The following SCAF8 variants were observed in gnomAD, a reference collection of about 807,000 sequenced individuals.
SCAF8 encodes SR-related CTD associated factor 8.
Under a neutral mutation model 140.5 loss-of-function variants are expected in SCAF8, and 23 were observed. That is an observed-to-expected ratio of 0.16 (90% CI 0.12 to 0.23). The LOEUF (loss-of-function observed/expected upper bound fraction) is 0.23. Among genes scored for constraint, SCAF8 ranks in the 10% least tolerant of loss-of-function variants. SCAF8 has a pLI of 1.00. For missense variants in SCAF8, 1,397 were observed against 1,555.7 expected (o/e 0.90, Z 1.72); for synonymous variants, 575 against 528.9 (o/e 1.09, Z -1.20).
chr6:154,822,401 A>T lies in SCAF8; in HGVS notation c.1918A>T (p.Met640Leu), dbSNP rs770556366. The change falls in exon 16 of 20, where the codon ATG becomes TTG. Residue 640 changes from methionine to leucine, a missense_variant. By Grantham distance (15) the Met-to-Leu change is conservative. Coordinates refer to ENST00000367178, the MANE Select transcript of SCAF8 (RefSeq NM_014892.5). ...AGAGGTTTTCCCTCCTCCTGTTGCT[A>T]TGTTGCAGGTTAGTGTTGAAGTGGG... ...QAEVFPPPVA[M>L]LQIPVAPAVP... The T allele has an allele frequency of 1.9e-6, 3 of 1,610,010 alleles. No homozygotes were observed. The highest frequency in any genetic ancestry group is 1.1e-5 in the South Asian group (1 of 90,128).
intron 12 of SCAF8, among the ~76,000 whole-genome samples, chr6:154,812,177 T>C (rs1583058015): frequency 3.1e-5 from 1 of 32,460 alleles, no homozygotes; most frequent in Non-Finnish European, 5.5e-5. Context: ...AGATACTGCC[T>C]TTTTTTTTTT....
intron 2 of SCAF8, among the ~76,000 whole-genome samples, chr6:154,775,455 CTTG>C (rs1282272409): frequency 2.0e-5 from 3 of 152,158 alleles, no homozygotes; most frequent in East Asian, 1.9e-4. Context: ...CTTTTCATAA[CTTG>C]TTGAGCAGAG....
chr6:154,812,552 A>T (rs1778128088), intron 12 of SCAF8, among the ~76,000 whole-genome samples: 2 of 151,538 alleles, frequency 1.3e-5, no homozygotes, highest in African/African-American at 2.4e-5. Context: ...TTACCTCACA[A>T]CTCTCCTTAT....
intron 3 of SCAF8, 138 bp from the exon 4 acceptor site, chr6:154,787,723 G>T: frequency 3.2e-6 from 2 of 634,648 alleles, no homozygotes; most frequent in Non-Finnish European, 2.6e-6. Context: ...GATGATATTG[G>T]AGTAGTCAAT....
rs575881937 is a variant in SCAF8 at position 154,800,355 on chromosome 6, A to G, written c.607-1616A>G. The stretch of plus-strand genomic sequence containing the variant: ...TGAATGAATGATGTACAAAAGCATT[A>G]CAGTGTTGGAGATACAAAGGATATT... On this transcript the variant is annotated intron_variant, in intron 6 of 19. Transcript: ENST00000367178. 8.1e-4 allele frequency among the ~76,000 whole-genome samples: 123 copies of G among 151,718 alleles called. 2 individuals are homozygous for G. The South Asian group carries it at 0.025, about 31-fold the overall frequency.
At chr6:154,827,333 T>C in intron 18 of SCAF8, 93 bp downstream of exon 18, 1 of 841,152 alleles carries the variant, frequency 1.2e-6, no homozygotes, top group Non-Finnish European at 1.9e-6. Context: ...TTAATATTTT[T>C]ATTATGAAAG....
chr6:154,767,529 CTTTTTTTTT>C (rs71021076), intron 1 of SCAF8, among the ~76,000 whole-genome samples: 256 of 91,012 alleles, frequency 2.8e-3, no homozygotes, highest in East Asian at 7.9e-3. Context: ...CTTCTGTTAT[CTTTTTTTTT>C]TTTTTTTTTT....
At chr6:154,796,754 C>T (rs146168677) in intron 6 of SCAF8, among the ~76,000 whole-genome samples, 1 of 152,254 alleles carries the variant, frequency 6.6e-6, no homozygotes, top group East Asian at 1.9e-4. Flanking sequence ...AGGTGGATCA[C>T]TTGAGGCCAG....
intron 4 of SCAF8, among the ~76,000 whole-genome samples, chr6:154,789,373 A>G (rs1311261944): frequency 6.6e-6 from 1 of 152,052 alleles, no homozygotes; most frequent in Non-Finnish European, 1.5e-5. Flanking sequence ...GGCCTCCCAA[A>G]ATGTTGGAAT....
chr6:154,810,783 T>TAA (rs1223638237), intron 12 of SCAF8, among the ~76,000 whole-genome samples: 1 of 152,082 alleles, frequency 6.6e-6, no homozygotes, highest in African/African-American at 2.4e-5. Flanking sequence ...AAATAAGTTT[T>TAA]AATTAGTGCC....
chr6:154,821,558 T>TGTG (rs1183475575), intron 15 of SCAF8, among the ~76,000 whole-genome samples: 2 of 152,008 alleles, frequency 1.3e-5, no homozygotes, highest in African/African-American at 4.8e-5. Context: ...GCAGTGTGGG[T>TGTG]GTGGAGGTAT....
At chr6:154,810,307 GGT>G in intron 12 of SCAF8, 99 bp downstream of exon 12, 1 of 812,222 alleles carries the variant, frequency 1.2e-6, no homozygotes, top group Non-Finnish European at 1.9e-6. Flanking sequence ...TTCAGATTAA[GGT>G]TAAAAGTGGT....
At chr6:154,763,648 A>G (rs1029029374) in intron 1 of SCAF8, among the ~76,000 whole-genome samples, 4 of 152,304 alleles carry the variant, frequency 2.6e-5, no homozygotes, top group African/African-American at 9.6e-5. Flanking sequence ...ACATTTTGTT[A>G]AATTTTGGGT....
At chr6:154,794,781 GTGTGTGTGT>G (rs1562449897) in intron 5 of SCAF8, among the ~76,000 whole-genome samples, 2 of 7,528 alleles carry the variant, frequency 2.7e-4, no homozygotes, top group Admixed American at 1.4e-3. Context: ...GGTGTGGGGG[GTGTGTGTGT>G]GTGTGTGTGT....
In SCAF8 at chr6:154,766,384, C is replaced by T. The variant is rs746048366; in HGVS notation, c.31-7605C>T. On this transcript the variant is annotated intron_variant, in intron 1 of 19. Transcript: ENST00000367178. ...ACCATGGCACCAATTCTTCTTCCAC[C>T]GTTGGCTTTAATTTTAGTGCCTGTG... Among the ~76,000 whole-genome samples the T allele has an allele frequency of 5.9e-5, 9 of 152,118 alleles. No individual in the cohort carries two copies. In the South Asian group the frequency reaches 6.2e-4, roughly 10 times the overall value.
At chr6:154,733,397 G>A, upstream of SCAF8, 2 of 1,374,832 alleles carry the variant, frequency 1.5e-6, no homozygotes, top group Non-Finnish European at 1.9e-6. Context: ...CGAACTGCGC[G>A]GCCCGACTCG....
intron 1 of SCAF8, among the ~76,000 whole-genome samples, chr6:154,766,191 A>G (rs570871349): frequency 6.6e-5 from 10 of 152,244 alleles, no homozygotes; most frequent in Non-Finnish European, 5.9e-5. Context: ...AGGCTGAGGA[A>G]GGGAAAGAGG....
chr6:154,740,811 G>A (rs78948454), intron 1 of SCAF8, among the ~76,000 whole-genome samples: 1 of 151,932 alleles, frequency 6.6e-6, no homozygotes, highest in African/African-American at 2.4e-5. Context: ...TAGAGATGGG[G>A]TCTTGCCATA....
At chr6:154,796,385 C>CTG (rs1272399073) in intron 6 of SCAF8, among the ~76,000 whole-genome samples, 3,045 of 76,338 alleles carry the variant, frequency 0.04, 114 homozygotes, top group African/African-American at 0.12. Flanking sequence ...CTCTCTCTCT[C>CTG]TCTCTCTGTC....
Sources: allele counts gnomAD v4.1 joint callset (sites outside exome capture counted in the v4.1 genomes callset), GRCh38; gene constraint gnomAD v4.1.1; transcripts MANE v1.5; gene names NCBI Gene and HGNC (gene_info 2026-07-23, HGNC 2026-07-21).